SRL: variants seen among roughly 807,000 people sequenced by gnomAD.
SRL encodes the protein sarcalumenin.
In SRL, 23 loss-of-function variants were observed where a neutral mutation model predicts 39.5. The ratio of observed to expected loss-of-function variants is 0.58; its 90% confidence interval spans 0.42 to 0.82. The LOEUF is 0.82. SRL is among the 40% of genes least tolerant of loss of function. The pLI, the probability that SRL is intolerant of heterozygous loss-of-function variation, is 0.00. For missense variants in SRL, 592 were observed against 607.8 expected (o/e 0.97, Z 0.27); for synonymous variants, 272 against 237.4 (o/e 1.15, Z -1.34).
At chr16:4,194,506 G>A (rs1274463432) in intron 5 of SRL, among the ~76,000 whole-genome samples, 1 of 152,198 alleles carries the variant, frequency 6.6e-6, no homozygotes, top group Non-Finnish European at 1.5e-5. Flanking sequence ...AATAGGAGGA[G>A]TTGAAGGTCA....
At position 4,190,888 on chromosome 16, in the gene SRL, C is replaced by A. The variant is rs991666020; in HGVS notation, c.*1265G>T. Reference sequence around the variant, plus strand: ...TGTGGAAACTGCAAAGGAGCAACTCCGCTGCCAAGTGTTTCCACAGGGGAG... The same window carrying A: ...TGTGGAAACTGCAAAGGAGCAACTCAGCTGCCAAGTGTTTCCACAGGGGAG... On this transcript the variant is annotated 3_prime_UTR_variant, in exon 6 of 6. Coordinates refer to ENST00000399609, the MANE Select transcript of SRL (RefSeq NM_001098814.2). The A allele has an allele frequency of 6.3e-6, 1 of 159,858 alleles. No homozygotes were observed. Among genetic ancestry groups the A allele is most frequent in the African/African-American group, 2.4e-5 (1 of 41,876 alleles). The allele number at this position is 159,858 out of a possible 1,614,324, so 9.9% of individuals were successfully genotyped here.
intron 1 of SRL, among the ~76,000 whole-genome samples, chr16:4,209,197 C>T (rs1002304002): frequency 1.6e-4 from 24 of 151,706 alleles, no homozygotes; most frequent in African/African-American, 5.3e-4. Flanking sequence ...TGACTTGAAC[C>T]GGGAGGTGGA....
At chr16:4,220,231 A>T (rs2052507096) in intron 1 of SRL, among the ~76,000 whole-genome samples, 1 of 151,580 alleles carries the variant, frequency 6.6e-6, no homozygotes, top group African/African-American at 2.4e-5. Flanking sequence ...TGAGGCCAGG[A>T]GTTTGAGACC....
chr16:4,192,565 G>T lies in SRL; in HGVS notation c.1010C>A (p.Ala337Asp). The T allele has an allele frequency of 6.2e-7, 1 of 1,614,186 alleles. No individual in the cohort carries two copies. Among genetic ancestry groups the T allele is most frequent in the Non-Finnish European group, 8.5e-7 (1 of 1,180,040 alleles). The change falls in exon 6 of 6, where the codon GCC becomes GAC. Residue 337 changes from alanine (A) to aspartate (D), a missense_variant. By Grantham distance (126) the Ala-to-Asp change is moderately radical. Coordinates refer to ENST00000399609, the MANE Select transcript of SRL (RefSeq NM_001098814.2). The surrounding 1 kb of genome is among the most constrained non-coding windows in gnomAD (Gnocchi z 4.0). Reference sequence around the variant, plus strand: ...GAGGGCGTGGATGCGGACCCGGATGGCGTGCTGGCGGATGAAGGCAATCTT... The same window carrying T: ...GAGGGCGTGGATGCGGACCCGGATGTCGTGCTGGCGGATGAAGGCAATCTT... ...ENKIAFIRQH[A>D]IRVRIHALLV... is the part of the protein sequence containing the mutation.
Position 4,221,806 on chromosome 16 carries a change from T to C in SRL, c.62-17172A>G, listed in dbSNP as rs534653223. 1.4e-3 allele frequency among the ~76,000 whole-genome samples: 214 copies of C among 152,328 alleles called. 2 individuals carry two copies. The highest frequency in any genetic ancestry group is 4.9e-3 in the African/African-American group (205 of 41,578). ...GAAACCCACAGGAGAGACTCCTTCG[T>C]TGCCTCTCTAGCTTCTGGTGTTTGC... On this transcript the variant is annotated intron_variant, in intron 1 of 5. Transcript: ENST00000399609.
chr16:4,190,652 C>G lies in SRL; in HGVS notation c.*1501G>C. ...CCTAATCTCTCTTGGACAACATACA[C>G]ACATATTCACACTTATTGGTATTGA... is the stretch of plus-strand genomic sequence containing the variant. On this transcript the variant is annotated 3_prime_UTR_variant, in exon 6 of 6. Transcript: ENST00000399609. 2.5e-6 allele frequency: 1 copy of G among 396,648 alleles called. No homozygotes were observed. Among genetic ancestry groups the G allele is most frequent in the Non-Finnish European group, 4.4e-6 (1 of 225,156 alleles). 24.6% of individuals were successfully genotyped at this position (396,648 alleles called of 1,614,324 possible).
In SRL at chr16:4,217,698, C is replaced by T. The variant is rs143649328; in HGVS notation, c.62-13064G>A. On this transcript the variant is annotated intron_variant, in intron 1 of 5. Transcript: ENST00000399609. ...ACCTGCTTTGCCAGCCCCATCAGAG[C>T]GTTTTAAACATCAGGTGGTGCTCAG... Among the ~76,000 whole-genome samples the T allele has an allele frequency of 5.0e-4, 76 of 152,358 alleles. 1 individual carries two copies. The highest frequency in any genetic ancestry group is 1.8e-3 in the African/African-American group (75 of 41,580).
intron 1 of SRL, among the ~76,000 whole-genome samples, chr16:4,216,062 C>G (rs1356519255): frequency 1.3e-5 from 2 of 151,642 alleles, no homozygotes; most frequent in African/African-American, 4.9e-5. Flanking sequence ...AAGACTTCAG[C>G]ACAATTGTTT....
chr16:4,217,092 C>T (rs998011201), intron 1 of SRL, among the ~76,000 whole-genome samples: 1 of 152,148 alleles, frequency 6.6e-6, no homozygotes, highest in African/African-American at 2.4e-5. Flanking sequence ...TCTTGAGAAA[C>T]GTGGGAGCTT....
chr16:4,227,550 G>A (rs2052607363), intron 1 of SRL, among the ~76,000 whole-genome samples: 1 of 152,064 alleles, frequency 6.6e-6, no homozygotes, highest in Non-Finnish European at 1.5e-5. Flanking sequence ...ATGATGGATG[G>A]GTGGATGGAT....
At chr16:4,209,299 G>T (rs1597278841) in intron 1 of SRL, among the ~76,000 whole-genome samples, 1 of 151,996 alleles carries the variant, frequency 6.6e-6, no homozygotes, top group East Asian at 1.9e-4. Flanking sequence ...AAGAAAATGG[G>T]GCCCATTAGG....
At chr16:4,225,976 G>C (rs1049474789) in intron 1 of SRL, among the ~76,000 whole-genome samples, 1 of 152,074 alleles carries the variant, frequency 6.6e-6, no homozygotes, top group African/African-American at 2.4e-5. Flanking sequence ...TTGCTCTTCA[G>C]GGCCCCTCCT....
chr16:4,200,309 G>T (rs775146071), intron 3 of SRL, among the ~76,000 whole-genome samples: 1 of 152,168 alleles, frequency 6.6e-6, no homozygotes, highest in Non-Finnish European at 1.5e-5. Context: ...TCTTAACACC[G>T]GCCCAGGCGA....
intron 1 of SRL, among the ~76,000 whole-genome samples, chr16:4,228,344 G>A (rs2052615286): frequency 6.6e-6 from 1 of 152,232 alleles, no homozygotes; most frequent in South Asian, 2.1e-4. Flanking sequence ...GGCTGAGGCA[G>A]AGAACTGCTT....
At chr16:4,232,195 G>A (rs2052666802) in intron 1 of SRL, among the ~76,000 whole-genome samples, 1 of 152,222 alleles carries the variant, frequency 6.6e-6, no homozygotes, top group South Asian at 2.1e-4. Context: ...GTGGGCTGGT[G>A]TCTTGGGAGC....
intron 1 of SRL, among the ~76,000 whole-genome samples, chr16:4,236,215 T>C (rs1395543064): frequency 1.3e-5 from 2 of 152,202 alleles, no homozygotes; most frequent in Non-Finnish European, 2.9e-5. Context: ...TGTTGCCTCC[T>C]CATCCTCACT....
Position 4,192,531 on chromosome 16 carries a change from G to A in SRL, c.1044C>T (p.Asp348=). 1 of 1,614,206 alleles carries A rather than the reference G, an allele frequency of 6.2e-7. No homozygotes were observed. Among genetic ancestry groups the A allele is most frequent in the African/African-American group, 1.3e-5 (1 of 75,054 alleles). Residue 348 remains aspartate (D), a synonymous_variant, in exon 6 of 6, where the codon GAC becomes GAT. Transcript: ENST00000399609. This position sits in a 1 kb window ranked among gnomAD's most constrained non-coding sequence, Gnocchi z 4.0. ...TGTCCTTGTAAGTCTGCAGGTAGCG[G>A]TCAACCAGGAGGGCGTGGATGCGGA... The part of the protein sequence containing the change: ...IRVRIHALLV[D]RYLQTYKDKM...
chr16:4,207,328 G>A, intron 1 of SRL: 1 of 456,756 alleles, frequency 2.2e-6, no homozygotes. Flanking sequence ...GCGCCCCCAG[G>A]CTCTGCACTG....
At chr16:4,214,172 A>T (rs1467154936) in intron 1 of SRL, among the ~76,000 whole-genome samples, 1 of 152,108 alleles carries the variant, frequency 6.6e-6, no homozygotes, top group Non-Finnish European at 1.5e-5. Context: ...AGAGGTCAGG[A>T]CCTGTTTTCA....
Sources: gnomAD v4.1 joint callset for allele counts (sites outside exome capture counted in the v4.1 genomes callset) on GRCh38, gnomAD v4.1.1 for gene constraint, Gnocchi (gnomAD v3.1) non-coding constraint, MANE v1.5 for transcripts, NCBI Gene and HGNC (gene_info 2026-07-23, HGNC 2026-07-21) for gene names.